Variants in TREM1 observed in about 807,000 individuals in gnomAD.
The protein encoded by TREM1 is triggering receptor expressed on myeloid cells 1, also known as triggering receptor expressed on monocytes 1.
Under a neutral mutation model 22.4 loss-of-function variants are expected in TREM1, and 16 were observed. The observed-to-expected ratio is 0.71, with a 90% confidence interval of 0.48 to 1.08. TREM1 has a LOEUF of 1.08. Among genes scored for constraint, TREM1 ranks in the 50% least tolerant of loss-of-function variants. The pLI is 0.00. For missense variants in TREM1, 283 were observed against 282.9 expected, an observed-to-expected ratio of 1.00 and a Z score of 0.00; for synonymous variants, 110 against 111.6, an observed-to-expected ratio of 0.99 and a Z score of 0.09.
At chr6:41,270,918 C>A (rs527751964), downstream of TREM1, among the ~76,000 whole-genome samples, 1 of 152,296 alleles carries the variant, frequency 6.6e-6, no homozygotes, top group Non-Finnish European at 1.5e-5. Flanking sequence ...GTTGCCCAGA[C>A]TGGTCTCGAA....
chr6:41,276,593 G>A (rs749219873), intron 3 of TREM1, among the ~76,000 whole-genome samples: 3 of 151,970 alleles, frequency 2.0e-5, no homozygotes, highest in South Asian at 2.1e-4. Context: ...TCTTTAGCTC[G>A]GTTTCCTCAC....
In TREM1 at chr6:41,282,513, C is replaced by T. The variant is rs147879822; in HGVS notation, c.288G>A (p.Leu96=). ...ILEDYHDHGL[L]RVRMVNLQVE... ...CTTGAAGGTTGACCATTCGGACGCG[C>T]AGTAAACCATGATCATGGTAGTCTT... Residue 96 remains leucine (L), a synonymous_variant, in exon 2 of 4, where the codon CTG becomes CTA. Coordinates refer to ENST00000244709, the MANE Select transcript of TREM1 (RefSeq NM_018643.5). The T allele has an allele frequency of 5.0e-6, 8 of 1,614,086 alleles. No homozygotes were observed. The highest frequency in any genetic ancestry group is 6.8e-6 in the Non-Finnish European group (8 of 1,180,054).
chr6:41,276,674 T>C (rs1767685051), intron 3 of TREM1, among the ~76,000 whole-genome samples: 5 of 152,124 alleles, frequency 3.3e-5, no homozygotes, highest in Non-Finnish European at 7.3e-5. Flanking sequence ...GCGAAATGAT[T>C]CTAAGGTTTC....
downstream of TREM1, among the ~76,000 whole-genome samples, chr6:41,267,413 AT>A (rs1195025867): frequency 6.6e-6 from 1 of 152,204 alleles, no homozygotes; most frequent in Non-Finnish European, 1.5e-5. Flanking sequence ...TTAATTGCAG[AT>A]TTTTTTCTAC....
At chr6:41,282,882 A>T in intron 1 of TREM1, 131 bp from the exon 2 acceptor site, 2 of 813,206 alleles carry the variant, frequency 2.5e-6, no homozygotes, top group Non-Finnish European at 3.9e-6. Context: ...TGAGGCCTCC[A>T]GAGAAAATAC....
At chr6:41,272,891 A>T (rs1455116296), downstream of TREM1, among the ~76,000 whole-genome samples, 1 of 152,204 alleles carries the variant, frequency 6.6e-6, no homozygotes, top group East Asian at 1.9e-4. Context: ...GAGGTGTGTC[A>T]TCTTTTGACT....
downstream of TREM1, among the ~76,000 whole-genome samples, chr6:41,271,910 C>T (rs1767489932): frequency 6.6e-6 from 1 of 152,192 alleles, no homozygotes; most frequent in Non-Finnish European, 1.5e-5. Flanking sequence ...AGCCTGCTTA[C>T]CCACTCTCCT....
chr6:41,270,446 A>AATATATAT (rs68021402), downstream of TREM1, among the ~76,000 whole-genome samples: 545 of 143,680 alleles, frequency 3.8e-3, 4 homozygotes, highest in South Asian at 6.3e-3. Flanking sequence ...GATATTATAT[A>AATATATAT]ATATATATAT....
chr6:41,281,266 G>A (rs1414825663), intron 2 of TREM1, 113 bp from the exon 3 acceptor site: 11 of 1,229,916 alleles, frequency 8.9e-6, no homozygotes, highest in South Asian at 3.0e-5. Flanking sequence ...GTTGATGGAC[G>A]GGTAGGTGGT....
intron 3 of TREM1, chr6:41,268,103 G>A (rs886581978): frequency 5.8e-5 from 23 of 398,442 alleles, no homozygotes; most frequent in Non-Finnish European, 8.0e-5. Context: ...AAATTCAAGC[G>A]GGGGAAATGA....
intron 1 of TREM1, among the ~76,000 whole-genome samples, chr6:41,283,824 T>C (rs1768039895): frequency 2.0e-5 from 3 of 152,152 alleles, no homozygotes; most frequent in Admixed American, 1.3e-4. Flanking sequence ...GAGTCCTCCC[T>C]GAGACTGCTG....
intron 3 of TREM1, among the ~76,000 whole-genome samples, chr6:41,276,703 T>C (rs2113978064): frequency 6.6e-6 from 1 of 152,210 alleles, no homozygotes; most frequent in East Asian, 1.9e-4. Context: ...CATCAATAGG[T>C]ATCATAATAA....
intron 3 of TREM1, among the ~76,000 whole-genome samples, chr6:41,277,929 T>TA (rs1491328715): frequency 8.5e-6 from 1 of 117,944 alleles, no homozygotes; most frequent in Non-Finnish European, 1.9e-5. Flanking sequence ...TTTTTTTTTT[T>TA]AGAGAGAAAG....
At chr6:41,271,851 G>T (rs1767487096), downstream of TREM1, among the ~76,000 whole-genome samples, 1 of 152,104 alleles carries the variant, frequency 6.6e-6, no homozygotes, top group Non-Finnish European at 1.5e-5. Flanking sequence ...CCATTAGTGG[G>T]CACTTCTGCT....
At chr6:41,280,346 T>A in intron 3 of TREM1, 1 of 986,204 alleles carries the variant, frequency 1.0e-6, no homozygotes, top group Non-Finnish European at 1.2e-6. Context: ...AACATCTTAT[T>A]AAAAATACTG....
intron 1 of TREM1, 60 bp from the exon 2 acceptor site, chr6:41,282,811 G>A (rs1767993169): frequency 1.4e-6 from 2 of 1,443,752 alleles, no homozygotes; most frequent in Non-Finnish European, 1.9e-6. Context: ...TCTGAGTGGG[G>A]AAAAAGGAGA....
At chr6:41,269,790 C>G (rs1021697616), downstream of TREM1, 1 of 152,210 alleles carries the variant, frequency 6.6e-6, no homozygotes, top group Non-Finnish European at 1.5e-5. Flanking sequence ...CCAAACAGCC[C>G]CTCATGAATG....
downstream of TREM1, chr6:41,267,891 G>T (rs1767372612): frequency 7.5e-6 from 3 of 398,466 alleles, no homozygotes; most frequent in Middle Eastern, 1.3e-3. Flanking sequence ...CAAAAACACA[G>T]CATGTTTGCA....
chr6:41,285,782 C>T (rs1266034203), intron 1 of TREM1, among the ~76,000 whole-genome samples: 1 of 152,232 alleles, frequency 6.6e-6, no homozygotes, highest in Non-Finnish European at 1.5e-5. Flanking sequence ...ATCACCCCAG[C>T]TCCAAGAAGA....
Sources: allele counts gnomAD v4.1 joint callset (sites outside exome capture counted in the v4.1 genomes callset), GRCh38; gene constraint gnomAD v4.1.1; transcripts MANE v1.5; gene names NCBI Gene and HGNC (gene_info 2026-07-23, HGNC 2026-07-21).